Variants in DAB2IP observed in about 807,000 individuals in gnomAD.
DAB2IP encodes the protein DAB2 interacting protein.
A neutral mutation model predicts 107.2 loss-of-function variants in DAB2IP; 28 were observed. The ratio of observed to expected loss-of-function variants is 0.26; its 90% CI spans 0.19 to 0.36. DAB2IP has a LOEUF of 0.36. Among genes scored for constraint, DAB2IP ranks in the 10% least tolerant of loss-of-function variants. The pLI is 1.00. For synonymous variants in DAB2IP, 755 were observed against 706.4 expected, an observed-to-expected ratio of 1.07 and a Z score of -1.09; for missense variants, 1,400 against 1,644.7, an observed-to-expected ratio of 0.85 and a Z score of 2.57.
At chr9:121,582,683 T>A (rs1830226344) in intron 1 of DAB2IP, among the ~76,000 whole-genome samples, 2 of 152,210 alleles carry the variant, frequency 1.3e-5, no homozygotes, top group African/African-American at 4.8e-5. Context: ...AATCTAGCTG[T>A]TGACAGCTCC....
At position 121,634,620 on chromosome 9, in the gene DAB2IP, G is replaced by A. The variant is rs947386120; in HGVS notation, c.41-44058G>A. Among the ~76,000 whole-genome samples, 5 of 152,174 alleles carry A rather than the reference G, an allele frequency of 3.3e-5. No homozygotes were observed. Among genetic ancestry groups the A allele is most frequent in the African/African-American group, 4.8e-5 (2 of 41,444 alleles). On this transcript the variant is annotated intron_variant, in intron 1 of 16. Transcript: ENST00000259371. The surrounding 1 kb of genome is among the most constrained non-coding windows in gnomAD (Gnocchi z 4.7). ...AGTGGGGGTGGAGTTCACTGTCAGC[G>A]CCAAAGAGGAAGTGGGGAGGCCCTC...
intron 2 of DAB2IP, among the ~76,000 whole-genome samples, chr9:121,696,115 C>A (rs1366526922): frequency 6.6e-6 from 1 of 152,080 alleles, no homozygotes; most frequent in Non-Finnish European, 1.5e-5. Context: ...GTGATCCACC[C>A]GCCTCAGCCT....
chr9:121,778,522 A>G (rs995176895), intron 14 of DAB2IP, among the ~76,000 whole-genome samples: 1 of 152,032 alleles, frequency 6.6e-6, no homozygotes, highest in Admixed American at 6.6e-5. Flanking sequence ...TCCTATTTGT[A>G]CCATCTGTTC....
At chr9:121,632,242 C>T (rs150872170) in intron 1 of DAB2IP, among the ~76,000 whole-genome samples, 30 of 152,324 alleles carry the variant, frequency 2.0e-4, no homozygotes, top group Non-Finnish European at 2.9e-4. Flanking sequence ...GCACCTGTCT[C>T]GCAGAGTTGC....
chr9:121,691,242 G>C (rs1182682622), intron 2 of DAB2IP, among the ~76,000 whole-genome samples: 1 of 152,198 alleles, frequency 6.6e-6, no homozygotes, highest in Non-Finnish European at 1.5e-5. Context: ...GTCCAGTATG[G>C]GGTGGGGGAG....
exon 16 of DAB2IP, chr9:121,783,430 C>T: frequency 6.2e-7 from 1 of 1,607,858 alleles, no homozygotes; most frequent in Non-Finnish European, 8.5e-7. Context: ...TGGTGCTCAC[C>T]CTGAAAGAAA....
At chr9:121,689,379 C>T (rs900444257) in intron 2 of DAB2IP, among the ~76,000 whole-genome samples, 6 of 151,960 alleles carry the variant, frequency 3.9e-5, no homozygotes, top group Admixed American at 1.3e-4. Context: ...AACCTTGGCC[C>T]GCAGATGGTA....
At chr9:121,603,478 C>T (rs543010299) in intron 1 of DAB2IP, among the ~76,000 whole-genome samples, 15 of 152,314 alleles carry the variant, frequency 9.8e-5, no homozygotes, top group Non-Finnish European at 1.6e-4. Flanking sequence ...ACTGCAGTGA[C>T]GTGTCCAAAG....
At chr9:121,617,025 G>C (rs973788553) in intron 1 of DAB2IP, among the ~76,000 whole-genome samples, 1 of 152,148 alleles carries the variant, frequency 6.6e-6, no homozygotes, top group East Asian at 1.9e-4. Flanking sequence ...AGGTTTATCT[G>C]TTCCGTGAAT....
intron 1 of DAB2IP, among the ~76,000 whole-genome samples, chr9:121,624,509 C>T (rs903673972): frequency 6.6e-6 from 1 of 152,200 alleles, no homozygotes; most frequent in Admixed American, 6.5e-5. Context: ...AATGATATTT[C>T]GGTCAAGGAC....
At chr9:121,712,831 AAGTC>A (rs902303023) in intron 3 of DAB2IP, among the ~76,000 whole-genome samples, 1 of 152,214 alleles carries the variant, frequency 6.6e-6, no homozygotes, top group Admixed American at 6.5e-5. Context: ...CCAGTGAACC[AAGTC>A]AGTCAGTTTC....
intron 1 of DAB2IP, among the ~76,000 whole-genome samples, chr9:121,652,175 C>A (rs1243338514): frequency 2.6e-5 from 4 of 152,190 alleles, no homozygotes; most frequent in African/African-American, 9.6e-5. Flanking sequence ...AGACCTCCTA[C>A]CCCACTGTGC....
In DAB2IP at chr9:121,757,181, A is replaced by G. The variant is rs896111022; in HGVS notation, c.516+15A>G. The stretch of plus-strand genomic sequence containing the variant: ...ACTGCTTCGAGGTGGGTCCCATCAC[A>G]GGGGTTGGGGTGGACACCCCATCCT... On this transcript the variant is annotated intron_variant, in intron 4 of 15. Transcript: ENST00000408936. 2 of 1,612,334 alleles carry G rather than the reference A, an allele frequency of 1.2e-6. No individual in the cohort carries two copies. Among genetic ancestry groups the G allele is most frequent in the African/African-American group, 2.7e-5 (2 of 74,790 alleles).
chr9:121,592,627 A>C (rs1312507047), intron 1 of DAB2IP, among the ~76,000 whole-genome samples: 1 of 152,222 alleles, frequency 6.6e-6, no homozygotes, highest in African/African-American at 2.4e-5. Context: ...AGCTTGTACA[A>C]CATGTAACAT....
At chr9:121,722,293 G>A (rs1215276546) in intron 3 of DAB2IP, among the ~76,000 whole-genome samples, 1 of 152,178 alleles carries the variant, frequency 6.6e-6, no homozygotes, top group Non-Finnish European at 1.5e-5. Flanking sequence ...TTGGAAAGGG[G>A]CTCTTCCCTT....
chr9:121,568,362 G>A (rs58815049), intron 1 of DAB2IP, among the ~76,000 whole-genome samples: 2,259 of 152,228 alleles, frequency 0.015, 51 homozygotes, highest in African/African-American at 0.048. Context: ...CCCAGGGGAC[G>A]GGGGGTCAGT....
At chr9:121,598,493 G>T (rs1408156456) in intron 1 of DAB2IP, 5 of 152,240 alleles carry the variant, frequency 3.3e-5, no homozygotes, top group Admixed American at 3.3e-4. Context: ...TGGCAGGCCC[G>T]CTGGCCGAGG....
At chr9:121,738,243 C>G (rs548378077) in intron 3 of DAB2IP, among the ~76,000 whole-genome samples, 1 of 152,152 alleles carries the variant, frequency 6.6e-6, no homozygotes, top group Admixed American at 6.5e-5. Flanking sequence ...GCCAGAGGCT[C>G]CCAGCACAGG....
rs1256176518 is a variant in DAB2IP at position 121,684,515 on chromosome 9, A to G, written c.228+5734A>G. Among the ~76,000 whole-genome samples, 1 of 152,088 alleles carries G rather than the reference A, an allele frequency of 6.6e-6. No homozygotes were observed. On this transcript the variant is annotated intron_variant, in intron 2 of 15. Coordinates refer to ENST00000408936, the Ensembl canonical transcript of DAB2IP. This position sits in a 1 kb window ranked among gnomAD's most constrained non-coding sequence, Gnocchi z 4.0. ...GTCCAACTGCCCTCGGAGCCCCACG[A>G]CAGCTCCTTCCCGCTCATCTGCACA...
Sources: allele counts gnomAD v4.1 joint callset (sites outside exome capture counted in the v4.1 genomes callset), GRCh38; gene constraint gnomAD v4.1.1; non-coding constraint Gnocchi (gnomAD v3.1); transcripts MANE v1.5; gene names NCBI Gene and HGNC (gene_info 2026-07-23, HGNC 2026-07-21).